Variants in RNF213 observed in about 807,000 individuals in gnomAD.
RNF213 encodes the protein ring finger protein 213, also known as E3 ubiquitin-protein ligase RNF213.
A neutral mutation model predicts 514.4 loss-of-function variants in RNF213; 341 were observed. The observed-to-expected ratio is 0.66, with a 90% confidence interval of 0.61 to 0.73. The LOEUF (loss-of-function observed/expected upper bound fraction) is 0.73, where lower values mean the gene tolerates loss of function less well. Ranked by LOEUF, RNF213 falls within the 30% of genes least tolerant of loss-of-function variation. The pLI, the probability that RNF213 is intolerant of heterozygous loss-of-function variation, is 0.00. For synonymous variants in RNF213, 2,655 were observed against 2,658.2 expected (o/e 1.00, Z 0.04); for missense variants, 5,767 against 6,615.6 (o/e 0.87, Z 4.45).
intron 65 of RNF213, among the ~76,000 whole-genome samples, chr17:80,389,603 C>T (rs964945676): frequency 1.3e-4 from 20 of 152,196 alleles, no homozygotes; most frequent in African/African-American, 4.8e-4. Context: ...TGACTGAGTA[C>T]ATGAGGCCCC....
At chr17:80,297,677 C>G (rs535329813) in intron 10 of RNF213, among the ~76,000 whole-genome samples, 1 of 151,048 alleles carries the variant, frequency 6.6e-6, no homozygotes, top group Admixed American at 6.6e-5. Context: ...GTCCCAGCTA[C>G]TCGGGAGGCT....
intron 22 of RNF213, among the ~76,000 whole-genome samples, chr17:80,335,734 G>A (rs1457089374): frequency 6.6e-6 from 1 of 152,142 alleles, no homozygotes; most frequent in Non-Finnish European, 1.5e-5. Context: ...TCAGCACTTT[G>A]GGAGGCCAAG....
At chr17:80,266,609 T>C (rs2043619544) in intron 2 of RNF213, among the ~76,000 whole-genome samples, 1 of 151,960 alleles carries the variant, frequency 6.6e-6, no homozygotes. Context: ...TCAAGTGATG[T>C]TCCTGCCTCA....
Position 80,345,497 on chromosome 17 carries a change from G to A in RNF213, c.7162G>A (p.Asp2388Asn), listed in dbSNP as rs375507267. Residue 2388 changes from aspartate (D) to asparagine (N), a missense_variant, in exon 29 of 68, where the codon GAC (aspartate) becomes AAC (asparagine). Physicochemically the swap from Asp to Asn is conservative, Grantham distance 23. Around this residue, in one of 13 missense-constraint regions of RNF213, gnomAD observed 1,377 missense variants for 1,635.2 expected, o/e 0.84. Transcript: ENST00000582970. This position sits in a 1 kb window ranked among gnomAD's most constrained non-coding sequence, Gnocchi z 6.0. ...GACCTTAGGGATCCCCCAGGCCACC[G>A]ACCCCGACAAAACGTATGAGCTCAC... is the stretch of plus-strand genomic sequence containing the variant. ...CLTLGIPQAT[D>N]PDKTYELTTD... The A allele has an allele frequency of 6.2e-6, 10 of 1,610,444 alleles. No homozygotes were observed. Among genetic ancestry groups the A allele is most frequent in the East Asian group, 2.2e-5 (1 of 44,790 alleles).
intron 42 of RNF213, chr17:80,364,959 G>A (rs1167797092): frequency 3.3e-6 from 1 of 303,510 alleles, no homozygotes; most frequent in South Asian, 3.0e-5. Flanking sequence ...TGCCACCGGG[G>A]TTTGGGGTCT....
chr17:80,317,222 C>A lies in RNF213; in HGVS notation c.2846C>A (p.Ala949Glu). 3 of 1,612,774 alleles carry A rather than the reference C, an allele frequency of 1.9e-6. No homozygotes were observed. Among genetic ancestry groups the A allele is most frequent in the Non-Finnish European group, 2.5e-6 (3 of 1,179,840 alleles). ...CGGCTGGTGGAAATCCAATTCCCCG[C>A]GGAGCATGGCTGGAAGGAGTCGTTG... ...WRRLVEIQFPAEHGWKESLLG... is the reference protein window; with the variant it reads ...WRRLVEIQFPEEHGWKESLLG... Residue 949 changes from alanine (A) to glutamate (E), a missense_variant, in exon 16 of 68, where the codon GCG (alanine) becomes GAG (glutamate). Physicochemically the swap from Ala to Glu is moderately radical, Grantham distance 107 (BLOSUM62 -1). Around this residue, in one of 13 missense-constraint regions of RNF213, gnomAD observed 592 missense variants for 673.9 expected, o/e 0.88. Transcript: ENST00000582970. This position sits in a 1 kb window ranked among gnomAD's most constrained non-coding sequence, Gnocchi z 4.1.
rs768425732 is a variant in RNF213 at position 80,273,259 on chromosome 17, C to A, written c.116C>A (p.Ser39Tyr). 1 of 1,613,626 alleles carries A rather than the reference C, an allele frequency of 6.2e-7. No individual in the cohort carries two copies. Among genetic ancestry groups the A allele is most frequent in the South Asian group, 1.1e-5 (1 of 91,084 alleles). Residue 39 changes from serine (S) to tyrosine (Y), a missense_variant, in exon 3 of 68, where the codon TCC (serine) becomes TAC (tyrosine). Ser to Tyr is a moderately radical substitution (Grantham distance 144, BLOSUM62 -2). This residue lies in a region of RNF213 where 509 missense variants were observed against 496.7 expected (regional missense o/e 1.02). Transcript: ENST00000582970. ...GTTACAGATTCTGAGAACAATAACT[C>A]CACAATGGCGTCGGCCTCGGAGGGT... ...APIADSENNN[S>Y]TMASASEGEM... is the part of the protein sequence containing the mutation.
intron 63 of RNF213, 53 bp downstream of exon 63, chr17:80,386,944 G>A: frequency 6.6e-7 from 1 of 1,525,748 alleles, no homozygotes; most frequent in Non-Finnish European, 8.9e-7. Context: ...TTGTGAACAA[G>A]CAGCCCTTGG....
Position 80,373,129 on chromosome 17 carries a change from C to G in RNF213, c.12906C>G (p.His4302Gln). Residue 4302 changes from histidine to glutamine, a missense_variant, in exon 49 of 68, where the codon CAC (histidine) becomes CAG (glutamine). Physicochemically the swap from His to Gln is conservative, Grantham distance 24. Transcript: ENST00000582970. ...GCCTCTCCAAGCCCGGCCGCCCGCA[C>G]CAGTGGGTGTTTCCCAAGGACGTTG... The part of the protein sequence containing the change: ...VQGLSKPGRP[H>Q]QWVFPKDVVK... 1 of 1,613,064 alleles carries G rather than the reference C, an allele frequency of 6.2e-7. No individual in the cohort carries two copies. The highest frequency in any genetic ancestry group is 8.5e-7 in the Non-Finnish European group (1 of 1,179,972).
In RNF213 at chr17:80,347,885, C is replaced by A. The variant is rs1190226784; in HGVS notation, c.9550C>A (p.Gln3184Lys). 1 of 1,614,246 alleles carries A rather than the reference C, an allele frequency of 6.2e-7. No individual in the cohort carries two copies. The highest frequency in any genetic ancestry group is 1.3e-5 in the African/African-American group (1 of 75,070). ...LDINTVLEKWQKSIVEELCAW... is the reference protein window; with the variant it reads ...LDINTVLEKWKKSIVEELCAW... Reference sequence around the variant, plus strand: ...TATCAACACGGTGCTGGAGAAATGGCAGAAGAGCATCGTGGAGGAGCTCTG... The same window carrying A: ...TATCAACACGGTGCTGGAGAAATGGAAGAAGAGCATCGTGGAGGAGCTCTG... Residue 3184 changes from glutamine (Q) to lysine (K), a missense_variant, in exon 29 of 68, where the codon CAG (glutamine) becomes AAG (lysine). This residue lies in a region of RNF213 where 919 missense variants were observed against 1,121.0 expected (regional missense o/e 0.82). Coordinates refer to ENST00000582970, the MANE Select transcript of RNF213 (RefSeq NM_001256071.3). The surrounding 1 kb of genome is among the most constrained non-coding windows in gnomAD (Gnocchi z 7.2).
intron 54 of RNF213, 128 bp from the exon 55 acceptor site, chr17:80,379,492 C>A: frequency 1.1e-6 from 1 of 910,420 alleles, no homozygotes; most frequent in Non-Finnish European, 1.8e-6. Flanking sequence ...CCGAAACAAG[C>A]ACACACTGGG....
intron 3 of RNF213, among the ~76,000 whole-genome samples, chr17:80,276,739 T>C (rs1291558016): frequency 6.6e-6 from 1 of 151,212 alleles, no homozygotes. Flanking sequence ...AGCAAGGCAG[T>C]TGATCCAAAA....
chr17:80,382,332 T>C (rs2080044519), intron 57 of RNF213: 1 of 155,610 alleles, frequency 6.4e-6, no homozygotes, highest in Non-Finnish European at 1.4e-5. Context: ...TTAAGAGTGA[T>C]TTTCTTTTGC....
intron 35 of RNF213, 85 bp downstream of exon 35, chr17:80,354,251 A>G: frequency 6.5e-7 from 1 of 1,532,680 alleles, no homozygotes; most frequent in Non-Finnish European, 9.0e-7. Flanking sequence ...GTGTTGGGGG[A>G]CACCCTCTCA....
In RNF213 at chr17:80,346,627, C is replaced by T. The variant is rs772925042; in HGVS notation, c.8292C>T (p.Pro2764=). Residue 2764 remains proline (P), a synonymous_variant, in exon 29 of 68, where the codon CCC becomes CCT. Transcript: ENST00000582970. The surrounding 1 kb of genome is among the most constrained non-coding windows in gnomAD (Gnocchi z 8.1). ...MMVVCIELKI[P]LFLVGKPGSS... Reference sequence around the variant, plus strand: ...TCGTCTGCATCGAGCTGAAGATTCCCCTCTTCCTGGTGGGGAAGCCCGGCA... The same window carrying T: ...TCGTCTGCATCGAGCTGAAGATTCCTCTCTTCCTGGTGGGGAAGCCCGGCA... 1.9e-6 allele frequency: 3 copies of T among 1,612,828 alleles called. No individual in the cohort carries two copies. The highest frequency in any genetic ancestry group is 2.5e-6 in the Non-Finnish European group (3 of 1,180,030).
intron 57 of RNF213, chr17:80,381,980 G>C (rs2080026191): frequency 3.9e-6 from 2 of 509,252 alleles, no homozygotes; most frequent in Admixed American, 6.5e-5. Flanking sequence ...CCCCTGCCTG[G>C]CTAAGACCTG....
At position 80,383,089 on chromosome 17, in the gene RNF213, C is replaced by T. The variant is rs1377017289; in HGVS notation, c.14070+19C>T. ...ACTGGAGGTAAGCAGTAAGTGCTGA[C>T]AGCTGGGTTGCTCCTCGGTCCAGAA... is the stretch of plus-strand genomic sequence containing the variant. On this transcript the variant is annotated intron_variant, in intron 58 of 67. Transcript: ENST00000582970. 1.3e-6 allele frequency: 2 copies of T among 1,573,904 alleles called. No individual in the cohort carries two copies. The highest frequency in any genetic ancestry group is 1.7e-6 in the Non-Finnish European group (2 of 1,143,676).
intron 3 of RNF213, among the ~76,000 whole-genome samples, chr17:80,280,863 G>A (rs78134045): frequency 0.011 from 1,728 of 152,156 alleles, 30 homozygotes; most frequent in African/African-American, 0.039. Context: ...AGCTGTCAAC[G>A]TACACGGGTG....
chr17:80,347,607 A>C lies in RNF213; in HGVS notation c.9272A>C (p.Lys3091Thr). 6.2e-7 allele frequency: 1 copy of C among 1,614,204 alleles called. No individual in the cohort carries two copies. ...CTCTGCAGAAACATCAATCGTGTGA[A>C]GATCTGCATGGAAACAGGCAAGATG... is the stretch of plus-strand genomic sequence containing the variant. ...TQLCRNINRV[K>T]ICMETGKMVL... Residue 3091 changes from lysine (K) to threonine (T), a missense_variant, in exon 29 of 68, where the codon AAG becomes ACG. Coordinates refer to ENST00000582970, the MANE Select transcript of RNF213 (RefSeq NM_001256071.3). The surrounding 1 kb of genome is among the most constrained non-coding windows in gnomAD (Gnocchi z 7.2).
Sources: allele counts gnomAD v4.1 joint callset (sites outside exome capture counted in the v4.1 genomes callset), GRCh38; gene constraint gnomAD v4.1.1; regional missense constraint gnomAD v4.1.1; non-coding constraint Gnocchi (gnomAD v3.1); transcripts MANE v1.5; gene names NCBI Gene and HGNC (gene_info 2026-07-23, HGNC 2026-07-21).